Variants in TCF20 observed in about 807,000 individuals in gnomAD.
TCF20 encodes the protein transcription factor 20.
Under a neutral mutation model 148.6 loss-of-function variants are expected in TCF20, and 3 were observed. The observed-to-expected ratio is 0.02, with a 90% CI of 0.01 to 0.05. The LOEUF is 0.05. Ranked by LOEUF, TCF20 falls within the 10% of genes least tolerant of loss-of-function variation. The pLI is 1.00. For missense variants in TCF20, 2,350 were observed against 2,429.3 expected, an observed-to-expected ratio of 0.97 and a Z score of 0.69; for synonymous variants, 1,049 against 909.5, an observed-to-expected ratio of 1.15 and a Z score of -2.76.
intron 5 of TCF20, among the ~76,000 whole-genome samples, chr22:42,167,889 A>T (rs926563251): frequency 2.8e-5 from 4 of 140,476 alleles, no homozygotes; most frequent in African/African-American, 1.1e-4. Flanking sequence ...CGCACGGCTA[A>T]TTTTTTTTTT....
chr22:42,323,844 A>AGTGGTGATGGAGGTTATGGTGGTGGTG (rs1927780025), intron 1 of TCF20, among the ~76,000 whole-genome samples: 1 of 85,728 alleles, frequency 1.2e-5, no homozygotes, highest in Non-Finnish European at 2.6e-5. Flanking sequence ...CGGTGGTGGT[A>AGTGGTGATGGAGGTTATGGTGGTGGTG]GTGGTGATGG....
intron 1 of TCF20, among the ~76,000 whole-genome samples, chr22:42,266,623 C>T (rs2146991430): frequency 6.6e-6 from 1 of 151,966 alleles, no homozygotes; most frequent in East Asian, 1.9e-4. Context: ...ACTAAAAATA[C>T]AAAAAAATAG....
chr22:42,284,018 G>A (rs1321452535), upstream of TCF20, among the ~76,000 whole-genome samples: 1 of 152,218 alleles, frequency 6.6e-6, no homozygotes, highest in Admixed American at 6.5e-5. Context: ...GCCGGCAAGT[G>A]AAGTCACAGG....
At chr22:42,223,742 A>G (rs1247430637) in intron 1 of TCF20, among the ~76,000 whole-genome samples, 1 of 152,170 alleles carries the variant, frequency 6.6e-6, no homozygotes, top group Non-Finnish European at 1.5e-5. Flanking sequence ...TTGTACCTAG[A>G]TATATCTGTA....
intron 1 of TCF20, among the ~76,000 whole-genome samples, chr22:42,231,301 A>C (rs985623845): frequency 2.6e-5 from 4 of 152,160 alleles, no homozygotes; most frequent in Admixed American, 6.5e-5. Context: ...TGGGCAACAT[A>C]GCATGACTCC....
intron 1 of TCF20, among the ~76,000 whole-genome samples, chr22:42,343,146 G>A (rs1459817055): frequency 6.6e-6 from 1 of 152,188 alleles, no homozygotes; most frequent in Admixed American, 6.5e-5. Flanking sequence ...TCCCACTGTA[G>A]AGTCAAGCGG....
At chr22:42,314,152 A>T (rs906585384) in intron 1 of TCF20, among the ~76,000 whole-genome samples, 23 of 152,128 alleles carry the variant, frequency 1.5e-4, no homozygotes, top group African/African-American at 5.6e-4. Flanking sequence ...CCTTGTGGCC[A>T]CTCCAGGGCA....
chr22:42,270,046 C>G, intron 1 of TCF20: 1 of 153,160 alleles, frequency 6.5e-6, no homozygotes, highest in East Asian at 1.9e-4. Flanking sequence ...CCTCCGCACC[C>G]TCGGGCCAGC....
Position 42,237,864 on chromosome 22 carries a change from T to C in TCF20, c.-36-22523A>G, listed in dbSNP as rs1195072147. On this transcript the variant is annotated intron_variant, in intron 1 of 5. Transcript: ENST00000677622. ...CCTTAAAATATTCATTAAACCATTC[T>C]GTAAACAGATGTGCTGTCATCTAGG... 2.6e-5 allele frequency among the ~76,000 whole-genome samples: 4 copies of C among 152,266 alleles called. No homozygotes were observed. The East Asian group carries it at 7.7e-4, about 29-fold the overall frequency.
intron 1 of TCF20, among the ~76,000 whole-genome samples, chr22:42,238,648 T>C (rs940804040): frequency 1.3e-5 from 2 of 152,216 alleles, no homozygotes; most frequent in Non-Finnish European, 2.9e-5. Flanking sequence ...GATCAGGTTA[T>C]TAACTGACCT....
intron 3 of TCF20, among the ~76,000 whole-genome samples, chr22:42,178,309 C>T (rs1034205078): frequency 6.6e-6 from 1 of 152,088 alleles, no homozygotes; most frequent in Non-Finnish European, 1.5e-5. Flanking sequence ...GTCTTGGGAA[C>T]CCCAGTTTAT....
chr22:42,270,768 G>GGGGCCGGGCGCGCGCGTGCC (rs1390426231), upstream of TCF20, among the ~76,000 whole-genome samples: 2 of 145,244 alleles, frequency 1.4e-5, no homozygotes, highest in African/African-American at 4.9e-5. Context: ...CGCTGGGGGC[G>GGGGCCGGGCGCGCGCGTGCC]GGGCCGGGCG....
intron 2 of TCF20, among the ~76,000 whole-genome samples, chr22:42,186,692 C>A (rs1245916217): frequency 6.6e-6 from 1 of 152,244 alleles, no homozygotes; most frequent in African/African-American, 2.4e-5. Context: ...AGTTCTTGGC[C>A]AAGTCTCTGG....
upstream of TCF20, among the ~76,000 whole-genome samples, chr22:42,271,656 C>T (rs1232649786): frequency 6.6e-6 from 1 of 152,192 alleles, no homozygotes; most frequent in Non-Finnish European, 1.5e-5. Flanking sequence ...GCCTCAGTTT[C>T]CTGTGGGTGA....
At chr22:42,242,216 A>C (rs1163320608) in intron 1 of TCF20, among the ~76,000 whole-genome samples, 1 of 149,880 alleles carries the variant, frequency 6.7e-6, no homozygotes, top group Non-Finnish European at 1.5e-5. Context: ...AAAAAAAAAA[A>C]AAAAAAAAAA....
intron 1 of TCF20, among the ~76,000 whole-genome samples, chr22:42,234,224 A>C (rs1283089472): frequency 6.6e-6 from 1 of 152,256 alleles, no homozygotes; most frequent in Non-Finnish European, 1.5e-5. Context: ...AGGAGGGGAC[A>C]AACAGATTTT....
chr22:42,200,379 ACTCACGC>A (rs949514283), intron 2 of TCF20, among the ~76,000 whole-genome samples: 3 of 151,844 alleles, frequency 2.0e-5, no homozygotes, highest in African/African-American at 7.2e-5. Flanking sequence ...GGGTGTGGTG[ACTCACGC>A]CTATAATCCC....
chr22:42,166,884 A>G (rs1265167827), intron 5 of TCF20, among the ~76,000 whole-genome samples: 1 of 152,216 alleles, frequency 6.6e-6, no homozygotes, highest in African/African-American at 2.4e-5. Context: ...GTGCTGGCAC[A>G]GGGGTGACAA....
chr22:42,305,768 C>T (rs1296243055), intron 1 of TCF20, among the ~76,000 whole-genome samples: 2 of 152,182 alleles, frequency 1.3e-5, no homozygotes, highest in Admixed American at 6.5e-5. Flanking sequence ...CTGCCTCCCC[C>T]GTGGCTGGGA....
Sources: allele counts gnomAD v4.1 joint callset (sites outside exome capture counted in the v4.1 genomes callset), GRCh38; gene constraint gnomAD v4.1.1; transcripts MANE v1.5; gene names NCBI Gene and HGNC (gene_info 2026-07-23, HGNC 2026-07-21).